Variants in CNTNAP2 observed in about 807,000 individuals in gnomAD.
CNTNAP2 encodes the protein contactin-associated protein-like 2.
In CNTNAP2, 98 loss-of-function variants were observed where a neutral mutation model predicts 155.2. The observed-to-expected ratio is 0.63, with a 90% confidence interval of 0.54 to 0.75. The LOEUF (loss-of-function observed/expected upper bound fraction) is 0.75, where lower values mean the gene tolerates loss of function less well. Among genes scored for constraint, CNTNAP2 ranks in the 30% least tolerant of loss-of-function variants. The pLI is 0.00. For missense variants in CNTNAP2, 1,727 were observed against 1,688.1 expected, an observed-to-expected ratio of 1.02 and a Z score of -0.40; for synonymous variants, 651 against 631.2, an observed-to-expected ratio of 1.03 and a Z score of -0.47.
intron 12 of CNTNAP2, among the ~76,000 whole-genome samples, chr7:147,611,190 A>T (rs1343462026): frequency 6.6e-6 from 1 of 152,174 alleles, no homozygotes; most frequent in Non-Finnish European, 1.5e-5. Flanking sequence ...ATGGTCAGTC[A>T]TGGATCCAAG....
chr7:147,786,133 TACAAAAA>T (rs1797735451), intron 13 of CNTNAP2, among the ~76,000 whole-genome samples: 1 of 151,634 alleles, frequency 6.6e-6, no homozygotes, highest in Non-Finnish European at 1.5e-5. Context: ...CTACTAAAAA[TACAAAAA>T]TTAGCTGGCG....
chr7:146,397,868 A>T (rs1795653356), intron 1 of CNTNAP2, among the ~76,000 whole-genome samples: 1 of 133,504 alleles, frequency 7.5e-6, no homozygotes, highest in Non-Finnish European at 1.5e-5. Context: ...AAAATTTGAC[A>T]GGCTTTTATT....
At chr7:148,202,274 C>T (rs1342558067) in intron 18 of CNTNAP2, among the ~76,000 whole-genome samples, 3 of 152,248 alleles carry the variant, frequency 2.0e-5, no homozygotes, top group African/African-American at 7.2e-5. Context: ...GCAACAGATG[C>T]TTTCTGGAAA....
chr7:146,341,748 A>G (rs1794733442), intron 1 of CNTNAP2, among the ~76,000 whole-genome samples: 1 of 152,162 alleles, frequency 6.6e-6, no homozygotes, highest in Non-Finnish European at 1.5e-5. Context: ...CTGAAAAACA[A>G]AAGAACACAA....
intron 1 of CNTNAP2, among the ~76,000 whole-genome samples, chr7:146,319,014 G>C (rs1471627052): frequency 1.3e-5 from 2 of 152,088 alleles, no homozygotes; most frequent in Non-Finnish European, 2.9e-5. Context: ...AAAAGGTAGA[G>C]TAATACGCCC....
intron 23 of CNTNAP2, among the ~76,000 whole-genome samples, chr7:148,414,190 C>A (rs947725930): frequency 6.6e-6 from 1 of 150,988 alleles, no homozygotes; most frequent in Non-Finnish European, 1.5e-5. Context: ...GATTCTCACG[C>A]CTCAGCATCT....
chr7:147,645,414 A>G (rs574059640), intron 13 of CNTNAP2, among the ~76,000 whole-genome samples: 2 of 152,348 alleles, frequency 1.3e-5, no homozygotes, highest in Admixed American at 6.5e-5. Flanking sequence ...TCAGTGTATT[A>G]ATCAGAAGAT....
intron 8 of CNTNAP2, among the ~76,000 whole-genome samples, chr7:147,282,602 G>C (rs1039260126): frequency 6.6e-6 from 1 of 151,824 alleles, no homozygotes; most frequent in African/African-American, 2.4e-5. Context: ...TTTAAATACA[G>C]GGAAGATGAT....
chr7:147,149,681 A>G (rs1260665952), intron 8 of CNTNAP2, among the ~76,000 whole-genome samples: 2 of 152,266 alleles, frequency 1.3e-5, no homozygotes, highest in African/African-American at 2.4e-5. Flanking sequence ...ATAGATCTCT[A>G]TCTACTGTGT....
At chr7:147,261,555 T>A (rs6952314) in intron 8 of CNTNAP2, among the ~76,000 whole-genome samples, 32,405 of 146,790 alleles carry the variant, frequency 0.22, 3,614 homozygotes, top group Middle Eastern at 0.29. Context: ...AGGGATACTT[T>A]AAAAAAAAAA....
intron 3 of CNTNAP2, among the ~76,000 whole-genome samples, chr7:146,877,964 G>A (rs1562983968): frequency 6.6e-6 from 1 of 152,004 alleles, no homozygotes; most frequent in East Asian, 1.9e-4. Context: ...GTCATTTTCA[G>A]TTCTTTAACA....
At chr7:146,485,483 G>T (rs1457988311) in intron 1 of CNTNAP2, among the ~76,000 whole-genome samples, 2 of 152,314 alleles carry the variant, frequency 1.3e-5, no homozygotes, top group East Asian at 3.9e-4. Context: ...GTGGTAAGTG[G>T]TAGAATTGGA....
chr7:146,498,584 G>C (rs1024711161), intron 1 of CNTNAP2, among the ~76,000 whole-genome samples: 2 of 151,664 alleles, frequency 1.3e-5, no homozygotes, highest in Non-Finnish European at 2.9e-5. Context: ...TTTACAATCA[G>C]TAATAAAATT....
intron 1 of CNTNAP2, among the ~76,000 whole-genome samples, chr7:146,524,403 T>C (rs1223858865): frequency 6.6e-6 from 1 of 152,058 alleles, no homozygotes; most frequent in Admixed American, 6.6e-5. Context: ...TCTGTGCCCT[T>C]GTGTGATAGT....
intron 13 of CNTNAP2, among the ~76,000 whole-genome samples, chr7:147,703,321 C>T (rs1010558661): frequency 7.2e-5 from 11 of 152,164 alleles, no homozygotes; most frequent in Non-Finnish European, 1.5e-4. Context: ...TATTTCCTTG[C>T]TACTAATAAA....
At chr7:146,539,243 T>C (rs528682469) in intron 1 of CNTNAP2, among the ~76,000 whole-genome samples, 4 of 152,176 alleles carry the variant, frequency 2.6e-5, no homozygotes, top group African/African-American at 9.6e-5. Context: ...CACAACGCTA[T>C]ATCATGCTTC....
At chr7:148,091,487 C>T (rs1403765796) in intron 15 of CNTNAP2, among the ~76,000 whole-genome samples, 1 of 152,100 alleles carries the variant, frequency 6.6e-6, no homozygotes, top group Non-Finnish European at 1.5e-5. Context: ...CCTGATTTGG[C>T]TGATGTATGG....
chr7:146,510,225 A>G (rs1177183039), intron 1 of CNTNAP2, among the ~76,000 whole-genome samples: 1 of 152,176 alleles, frequency 6.6e-6, no homozygotes, highest in Non-Finnish European at 1.5e-5. Context: ...TCAAGGCCAG[A>G]TATGAACTCA....
At chr7:146,955,433 A>G (rs994506133) in intron 3 of CNTNAP2, among the ~76,000 whole-genome samples, 6 of 152,016 alleles carry the variant, frequency 3.9e-5, no homozygotes, top group Non-Finnish European at 5.9e-5. Context: ...CCCTGCTAAT[A>G]GGAGTGAAAA....
Sources: allele counts gnomAD v4.1 joint callset (sites outside exome capture counted in the v4.1 genomes callset), GRCh38; gene constraint gnomAD v4.1.1; transcripts MANE v1.5; gene names NCBI Gene and HGNC (gene_info 2026-07-23, HGNC 2026-07-21).